GRIP1: variants seen among roughly 807,000 people sequenced by gnomAD.
GRIP1 encodes glutamate receptor interacting protein 1.
A neutral mutation model predicts 129.9 loss-of-function variants in GRIP1; 45 were observed. The ratio of observed to expected loss-of-function variants is 0.35; its 90% CI spans 0.27 to 0.44. The LOEUF is 0.44. Ranked by LOEUF, GRIP1 falls within the 20% of genes least tolerant of loss-of-function variation. The pLI is 1.00. For synonymous variants in GRIP1, 530 were observed against 520.8 expected, an observed-to-expected ratio of 1.02 and a Z score of -0.24; for missense variants, 1,196 against 1,396.8, an observed-to-expected ratio of 0.86 and a Z score of 2.29.
chr12:66,776,641 G>C (rs117184287), intron 1 of GRIP1, among the ~76,000 whole-genome samples: 3 of 152,226 alleles, frequency 2.0e-5, no homozygotes, highest in African/African-American at 7.2e-5. Context: ...TGCTATAATC[G>C]CTGTAAAGTG....
At chr12:66,740,366 T>TA (rs1258970255) in intron 1 of GRIP1, among the ~76,000 whole-genome samples, 1 of 152,178 alleles carries the variant, frequency 6.6e-6, no homozygotes, top group Non-Finnish European at 1.5e-5. Flanking sequence ...TCATAAGTGA[T>TA]ACAAATGTCA....
chr12:66,725,044 C>A (rs181138427), intron 1 of GRIP1, among the ~76,000 whole-genome samples: 1 of 152,168 alleles, frequency 6.6e-6, no homozygotes, highest in Non-Finnish European at 1.5e-5. Context: ...GTAATCCCAG[C>A]GCTTTTGGAG....
chr12:66,991,198 G>A (rs1306791288), intron 1 of GRIP1, among the ~76,000 whole-genome samples: 4 of 152,052 alleles, frequency 2.6e-5, no homozygotes, highest in East Asian at 3.9e-4. Context: ...GCATGAACCC[G>A]GGAGGCAGAG....
intron 1 of GRIP1, among the ~76,000 whole-genome samples, chr12:66,946,937 G>A (rs2041680462): frequency 1.3e-5 from 2 of 151,790 alleles, no homozygotes; most frequent in Non-Finnish European, 2.9e-5. Context: ...CCAGCTACTT[G>A]GGAGGCTGAG....
intron 1 of GRIP1, among the ~76,000 whole-genome samples, chr12:66,618,464 C>T (rs2065135532): frequency 6.6e-6 from 1 of 151,950 alleles, no homozygotes; most frequent in Admixed American, 6.6e-5. Context: ...TATATCTTCT[C>T]ATATGTTTTG....
chr12:66,478,428 T>G (rs898864780), intron 7 of GRIP1, among the ~76,000 whole-genome samples: 1 of 152,124 alleles, frequency 6.6e-6, no homozygotes, highest in African/African-American at 2.4e-5. Flanking sequence ...ACACTGTTGG[T>G]GGGACTGTAA....
intron 1 of GRIP1, among the ~76,000 whole-genome samples, chr12:66,741,102 C>G (rs1275293107): frequency 6.6e-6 from 1 of 152,150 alleles, no homozygotes; most frequent in East Asian, 1.9e-4. Flanking sequence ...GTTCCCAGCT[C>G]TCTTTCATAG....
chr12:67,003,675 A>G (rs2042584094), intron 1 of GRIP1, among the ~76,000 whole-genome samples: 1 of 152,172 alleles, frequency 6.6e-6, no homozygotes, highest in African/African-American at 2.4e-5. Flanking sequence ...CCTGGGAGAC[A>G]GAGCGAGATT....
At chr12:66,742,364 T>C (rs1206050339) in intron 1 of GRIP1, among the ~76,000 whole-genome samples, 1 of 152,190 alleles carries the variant, frequency 6.6e-6, no homozygotes, top group Non-Finnish European at 1.5e-5. Context: ...AATATTTGCT[T>C]GTAATCTTCA....
chr12:67,068,502 G>A (rs1592539964), intron 1 of GRIP1, among the ~76,000 whole-genome samples: 1 of 151,828 alleles, frequency 6.6e-6, no homozygotes, highest in South Asian at 2.1e-4. Flanking sequence ...ACCTGCGGCA[G>A]CGCCCCCTTG....
intron 19 of GRIP1, among the ~76,000 whole-genome samples, chr12:66,385,107 A>T (rs1055726757): frequency 1.3e-4 from 20 of 152,192 alleles, no homozygotes; most frequent in Non-Finnish European, 2.1e-4. Flanking sequence ...AGATAATGAA[A>T]TTTTTTTTGT....
chr12:66,350,066 A>G (rs2054152728), intron 24 of GRIP1, among the ~76,000 whole-genome samples: 1 of 151,878 alleles, frequency 6.6e-6, no homozygotes, highest in African/African-American at 2.4e-5. Context: ...GGCGTTTAGC[A>G]TTTGCCGCTC....
At chr12:66,740,331 C>A (rs1425534205) in intron 1 of GRIP1, among the ~76,000 whole-genome samples, 1 of 152,158 alleles carries the variant, frequency 6.6e-6, no homozygotes, top group East Asian at 1.9e-4. Context: ...ACTGGACCAT[C>A]CTCACCCCTG....
At chr12:66,615,333 C>G (rs535084553) in intron 1 of GRIP1, among the ~76,000 whole-genome samples, 39 of 152,014 alleles carry the variant, frequency 2.6e-4, no homozygotes, top group Non-Finnish European at 5.1e-4. Flanking sequence ...ATAGTGCAAC[C>G]CTCTTTTTTA....
At chr12:66,981,364 A>T (rs536230071) in intron 1 of GRIP1, among the ~76,000 whole-genome samples, 1 of 152,212 alleles carries the variant, frequency 6.6e-6, no homozygotes, top group East Asian at 1.9e-4. Flanking sequence ...ACATTTTTAC[A>T]TCTGTCTCCC....
At chr12:67,030,044 C>CAAAA in intron 1 of GRIP1, among the ~76,000 whole-genome samples, 1 of 133,000 alleles carries the variant, frequency 7.5e-6, no homozygotes, top group African/African-American at 2.9e-5. Context: ...ACTAAAAATA[C>CAAAA]AAAAAAAAAA....
At chr12:66,493,450 G>A (rs1179041457) in intron 7 of GRIP1, among the ~76,000 whole-genome samples, 1 of 152,188 alleles carries the variant, frequency 6.6e-6, no homozygotes, top group Non-Finnish European at 1.5e-5. Flanking sequence ...TGTGCAGTGA[G>A]ATAGGTCTTC....
intron 2 of GRIP1, among the ~76,000 whole-genome samples, chr12:66,594,776 G>C (rs1254264319): frequency 6.6e-6 from 1 of 152,156 alleles, no homozygotes; most frequent in Admixed American, 6.5e-5. Context: ...AAGTGGACAT[G>C]GTAGGTGATT....
chr12:66,561,816 G>A (rs2139403829), intron 2 of GRIP1, among the ~76,000 whole-genome samples: 1 of 152,282 alleles, frequency 6.6e-6, no homozygotes, highest in East Asian at 1.9e-4. Context: ...GAATATGTCT[G>A]GGTTTGGTGG....
Sources: gnomAD v4.1 joint callset for allele counts (sites outside exome capture counted in the v4.1 genomes callset) on GRCh38, gnomAD v4.1.1 for gene constraint, MANE v1.5 for transcripts, NCBI Gene and HGNC (gene_info 2026-07-23, HGNC 2026-07-21) for gene names.